The following FAR2 variants were observed in gnomAD, a reference collection of about 807,000 sequenced individuals.
FAR2 encodes the protein fatty acyl-CoA reductase 2.
FAR2 carries 19 observed loss-of-function variants against 56.0 expected under a neutral mutation model. The observed-to-expected ratio is 0.34, with a 90% CI of 0.24 to 0.50. The LOEUF is 0.50. Ranked by LOEUF, FAR2 falls within the 20% of genes least tolerant of loss-of-function variation. The pLI, the probability that FAR2 is intolerant of heterozygous loss-of-function variation, is 0.98. For synonymous variants in FAR2, 219 were observed against 218.8 expected (o/e 1.00, Z -0.01); for missense variants, 508 against 642.2 (o/e 0.79, Z 2.26).
intron 1 of FAR2, among the ~76,000 whole-genome samples, chr12:29,236,399 T>C (rs1407559847): frequency 6.6e-6 from 1 of 152,068 alleles, no homozygotes; most frequent in East Asian, 1.9e-4. Flanking sequence ...CATTAGTCCA[T>C]TTTCACACTG....
chr12:29,333,324 C>T, intron 11 of FAR2: 2 of 288,918 alleles, frequency 6.9e-6, no homozygotes, highest in South Asian at 1.1e-4. Flanking sequence ...GAACAAGAAC[C>T]AGTGAAGATT....
intron 1 of FAR2, among the ~76,000 whole-genome samples, chr12:29,175,808 G>A (rs1200051061): frequency 1.7e-4 from 26 of 152,112 alleles, no homozygotes; most frequent in Admixed American, 1.7e-3. Flanking sequence ...GTTGATTGGT[G>A]CATTTACAAT....
At chr12:29,262,863 G>A (rs10843372) in intron 1 of FAR2, among the ~76,000 whole-genome samples, 87,375 of 151,876 alleles carry the variant, frequency 0.58, 25,955 homozygotes, top group African/African-American at 0.72. Flanking sequence ...GACTGAATGG[G>A]TGAAAAAACA....
chr12:29,325,232 G>C (rs1949625486), intron 10 of FAR2, among the ~76,000 whole-genome samples: 2 of 152,184 alleles, frequency 1.3e-5, no homozygotes, highest in Admixed American at 6.5e-5. Context: ...CAATACAGGA[G>C]CACCCAGATT....
At chr12:29,280,170 C>T (rs1948765547) in intron 2 of FAR2, among the ~76,000 whole-genome samples, 1 of 152,180 alleles carries the variant, frequency 6.6e-6, no homozygotes, top group Non-Finnish European at 1.5e-5. Flanking sequence ...GGCGATCTGC[C>T]TGCCTCGGCC....
At chr12:29,312,042 G>A (rs1362398182) in intron 8 of FAR2, 92 bp downstream of exon 8, 1 of 863,854 alleles carries the variant, frequency 1.2e-6, no homozygotes. Flanking sequence ...GAGCTTATAT[G>A]GGGAGAAAGA....
intron 1 of FAR2, among the ~76,000 whole-genome samples, chr12:29,247,153 A>C (rs944546172): frequency 7.9e-5 from 12 of 152,150 alleles, no homozygotes; most frequent in Admixed American, 7.2e-4. Flanking sequence ...CCAGTTTACT[A>C]TATTATATTG....
At chr12:29,242,582 A>T (rs1259483988) in intron 1 of FAR2, among the ~76,000 whole-genome samples, 2 of 152,182 alleles carry the variant, frequency 1.3e-5, no homozygotes, top group Non-Finnish European at 2.9e-5. Context: ...ATGGTAAAGA[A>T]ATACAGAAGT....
chr12:29,204,057 A>T (rs10492385), intron 1 of FAR2, among the ~76,000 whole-genome samples: 3 of 148,578 alleles, frequency 2.0e-5, no homozygotes, highest in South Asian at 2.1e-4. Context: ...GTAGCCTTTC[A>T]GTAGAATCCA....
chr12:29,253,430 T>G (rs1484454371), intron 1 of FAR2, among the ~76,000 whole-genome samples: 5 of 141,014 alleles, frequency 3.5e-5, no homozygotes, highest in African/African-American at 7.8e-5. Context: ...TAGATAGATA[T>G]GTATGTATAT....
chr12:29,185,075 C>G (rs1207259410), intron 1 of FAR2, among the ~76,000 whole-genome samples: 1 of 152,018 alleles, frequency 6.6e-6, no homozygotes, highest in Non-Finnish European at 1.5e-5. Flanking sequence ...TATATGATAT[C>G]ATATAGTTAT....
chr12:29,315,081 C>CA (rs1949423383), intron 8 of FAR2, among the ~76,000 whole-genome samples: 1 of 151,842 alleles, frequency 6.6e-6, no homozygotes, highest in Non-Finnish European at 1.5e-5. Context: ...TGAGAGACTG[C>CA]AAAAAAATAA....
intron 1 of FAR2, among the ~76,000 whole-genome samples, chr12:29,209,250 G>A (rs1947514385): frequency 6.6e-6 from 1 of 152,132 alleles, no homozygotes; most frequent in Non-Finnish European, 1.5e-5. Flanking sequence ...GTTTTCAGCA[G>A]TTATTGCCTT....
At position 29,216,716 on chromosome 12, in the gene FAR2, AAC is replaced by A. The variant is rs1432175043; in HGVS notation, c.-38-53694_-38-53693del. Among the ~76,000 whole-genome samples, 7 of 152,220 alleles carry A rather than the reference AAC, an allele frequency of 4.6e-5. No individual in the cohort carries two copies. In the East Asian group the frequency reaches 1.3e-3, roughly 29 times the overall value. ...TTTATTTTTCTTTCTGACAGCCCAG[AAC>A]ATATAGCATTTTGAGTTAATTTCAG... On this transcript the variant is annotated intron_variant, in intron 1 of 11. Coordinates refer to ENST00000536681, the MANE Select transcript of FAR2 (RefSeq NM_001271783.2).
At chr12:29,295,195 C>A (rs1042949458) in intron 3 of FAR2, among the ~76,000 whole-genome samples, 12 of 152,188 alleles carry the variant, frequency 7.9e-5, no homozygotes, top group African/African-American at 2.9e-4. Flanking sequence ...GCCTCAGCCT[C>A]CCCATGTAGC....
chr12:29,297,783 C>T (rs890975979), intron 4 of FAR2, among the ~76,000 whole-genome samples: 1 of 152,164 alleles, frequency 6.6e-6, no homozygotes, highest in Non-Finnish European at 1.5e-5. Context: ...TGGTGGCTCA[C>T]GCCTGTAATC....
intron 4 of FAR2, among the ~76,000 whole-genome samples, chr12:29,301,088 A>G (rs770042329): frequency 1.3e-5 from 2 of 152,162 alleles, no homozygotes; most frequent in Non-Finnish European, 2.9e-5. Flanking sequence ...CCCTTTCTTT[A>G]GCCCCTATCT....
intron 1 of FAR2, among the ~76,000 whole-genome samples, chr12:29,152,750 T>C (rs1949691333): frequency 6.6e-6 from 1 of 152,184 alleles, no homozygotes; most frequent in South Asian, 2.1e-4. Context: ...AAATAAGTAG[T>C]TACAAGGCAA....
At chr12:29,209,108 GA>G (rs1388390465) in intron 1 of FAR2, among the ~76,000 whole-genome samples, 3 of 151,828 alleles carry the variant, frequency 2.0e-5, no homozygotes, top group Admixed American at 6.6e-5. Flanking sequence ...TACTACACAG[GA>G]AAAGCAATAA....
Sources: gnomAD v4.1 joint callset for allele counts (sites outside exome capture counted in the v4.1 genomes callset) on GRCh38, gnomAD v4.1.1 for gene constraint, MANE v1.5 for transcripts, NCBI Gene and HGNC (gene_info 2026-07-23, HGNC 2026-07-21) for gene names.